The following TOP2A variants were observed in gnomAD, a reference collection of about 807,000 sequenced individuals.
TOP2A encodes the protein DNA topoisomerase 2-alpha.
In TOP2A, 68 loss-of-function variants were observed where a neutral mutation model predicts 187.2. The observed-to-expected ratio is 0.36, with a 90% CI of 0.30 to 0.44. The LOEUF is 0.44. Among genes scored for constraint, TOP2A ranks in the 20% least tolerant of loss-of-function variants. TOP2A has a pLI of 1.00. For synonymous variants in TOP2A, 542 were observed against 593.2 expected, an observed-to-expected ratio of 0.91 and a Z score of 1.25; for missense variants, 1,196 against 1,808.7, an observed-to-expected ratio of 0.66 and a Z score of 6.14.
chr17:40,401,087 G>C lies in TOP2A; in HGVS notation c.2433-6C>G. The C allele has an allele frequency of 6.2e-7, 1 of 1,606,320 alleles. No individual in the cohort carries two copies. On this transcript the variant is annotated splice_polypyrimidine_tract_variant and splice_region_variant and intron_variant, in intron 20 of 34. Transcript: ENST00000423485. The stretch of plus-strand genomic sequence containing the variant: ...ATAACAATCGAGCCAAAGAGCTAAA[G>C]AAAAGAAACAAAGAATGTTATTTTA...
At chr17:40,400,433 G>A (rs1162277639) in intron 22 of TOP2A, 24 bp from the exon 23 acceptor site, 2 of 1,609,508 alleles carry the variant, frequency 1.2e-6, no homozygotes, top group Admixed American at 1.7e-5. Flanking sequence ...TAATCCTGAA[G>A]TTTCTAAAAT....
chr17:40,390,132 T>C lies in TOP2A; in HGVS notation c.4300A>G (p.Lys1434Glu). ...QSSTSTTGAK[K>E]RAAPKGTKRD... ...TTAGTTCCTTTTGGGGCAGCCCTTT[T>C]TTTGGCACCGGTAGTGGAGGTGGAA... The change falls in exon 34 of 35, where the codon AAA (lysine) becomes GAA (glutamate). Residue 1434 changes from lysine to glutamate, a missense_variant. Around this residue, in one of 10 missense-constraint regions of TOP2A, gnomAD observed 374 missense variants for 403.3 expected, o/e 0.93. Coordinates refer to ENST00000423485, the MANE Select transcript of TOP2A (RefSeq NM_001067.4). The C allele has an allele frequency of 6.2e-7, 1 of 1,613,430 alleles. No homozygotes were observed. Among genetic ancestry groups the C allele is most frequent in the Non-Finnish European group, 8.5e-7 (1 of 1,179,700 alleles).
At position 40,390,057 on chromosome 17, in the gene TOP2A, T is replaced by C. The variant is rs556664581; in HGVS notation, c.4375A>G (p.Lys1459Glu). ...TTCCTTTTGCGGCGATTCTTGGTTTTGGCAGGATCAGGCTTTTGAGAGACA... is the reference window on the plus strand; with the variant it reads ...TTCCTTTTGCGGCGATTCTTGGTTTCGGCAGGATCAGGCTTTTGAGAGACA... ...SGVSQKPDPA[K>E]TKNRRKRKPS... is the part of the protein sequence containing the mutation. The change falls in exon 34 of 35, where the codon AAA becomes GAA. Residue 1459 changes from lysine (K) to glutamate (E), a missense_variant. Transcript: ENST00000423485. 20 of 1,613,950 alleles carry C rather than the reference T, an allele frequency of 1.2e-5. No individual in the cohort carries two copies. In the East Asian group the frequency reaches 4.2e-4, roughly 34 times the overall value.
chr17:40,405,612 G>A (rs1166471463), intron 16 of TOP2A, among the ~76,000 whole-genome samples: 2 of 151,866 alleles, frequency 1.3e-5, no homozygotes, highest in African/African-American at 2.4e-5. Flanking sequence ...GTGTCACCAA[G>A]CCCGGCTAAT....
intron 4 of TOP2A, among the ~76,000 whole-genome samples, chr17:40,413,980 T>C (rs2035357722): frequency 6.6e-6 from 1 of 152,152 alleles, no homozygotes; most frequent in East Asian, 1.9e-4. Context: ...GCACTTTTCA[T>C]ATATACCTTC....
chr17:40,409,194 CAAAAAAAAAAAA>C (rs35266834), intron 10 of TOP2A: 1 of 73,152 alleles, frequency 1.4e-5, no homozygotes, highest in Admixed American at 3.5e-4. Context: ...AACTCCGTCT[CAAAAAAAAAAAA>C]AAAAAAAAAA....
chr17:40,413,556 C>G lies in TOP2A; in HGVS notation c.402G>C (p.Lys134Asn). The G allele has an allele frequency of 1.3e-6, 2 of 1,528,148 alleles. No individual in the cohort carries two copies. Among genetic ancestry groups the G allele is most frequent in the South Asian group, 1.2e-5 (1 of 81,462 alleles). The allele number at this position is 1,528,148 out of a possible 1,614,324, so 94.7% of individuals were successfully genotyped here. ...GIPVVEHKVEKMYVPALIFGQ... is the reference protein window; with the variant it reads ...GIPVVEHKVENMYVPALIFGQ... ...CAAATATGAGAGCTGGGACATACAT[C>G]TTTTCAACTTTGTGTTCAACAACAG... Residue 134 changes from lysine (K) to asparagine (N), a missense_variant, in exon 5 of 35, where the codon AAG becomes AAC. By Grantham distance (94) the Lys-to-Asn change is moderately conservative. This residue lies in a region of TOP2A where 97 missense variants were observed against 171.0 expected (regional missense o/e 0.57). Coordinates refer to ENST00000423485, the MANE Select transcript of TOP2A (RefSeq NM_001067.4).
At chr17:40,395,020 C>T (rs539637638) in intron 29 of TOP2A, among the ~76,000 whole-genome samples, 4 of 152,316 alleles carry the variant, frequency 2.6e-5, no homozygotes, top group Non-Finnish European at 4.4e-5. Context: ...GGCAGTGGCT[C>T]ACGCCTGTAA....
Position 40,403,072 on chromosome 17 carries a change from T to G in TOP2A, c.2284-18A>C, listed in dbSNP as rs1316759329. 6.3e-7 allele frequency: 1 copy of G among 1,579,792 alleles called. No individual in the cohort carries two copies. Among genetic ancestry groups the G allele is most frequent in the East Asian group, 2.3e-5 (1 of 43,962 alleles). The stretch of plus-strand genomic sequence containing the variant: ...AGTGACATCTGTGGGGAAAAAAAGA[T>G]TCATTAAGCTGAGGCTTTTACTAAT... On this transcript the variant is annotated intron_variant, in intron 19 of 34. Coordinates refer to ENST00000423485, the MANE Select transcript of TOP2A (RefSeq NM_001067.4).
Position 40,391,531 on chromosome 17 carries a change from C to G in TOP2A, c.4242G>C (p.Val1414=). The G allele has an allele frequency of 6.2e-7, 1 of 1,612,474 alleles. No homozygotes were observed. The highest frequency in any genetic ancestry group is 1.3e-5 in the African/African-American group (1 of 75,016). ...EITNPVPKKN[V]TVKKTAAKSQ... is the part of the protein sequence containing the mutation. ...TTTTTGCTGCTGTCTTCTTCACTGT[C>G]ACATTCTTTTTAGGAACTGGGTTTG... Residue 1414 remains valine (V), a synonymous_variant, in exon 33 of 35, where the codon GTG becomes GTC. Transcript: ENST00000423485.
At chr17:40,407,466 T>C in intron 13 of TOP2A, 83 bp downstream of exon 13, 6 of 1,192,382 alleles carry the variant, frequency 5.0e-6, no homozygotes, top group Non-Finnish European at 6.9e-6. Context: ...AACTAATTTA[T>C]TTTCATGGCA....
chr17:40,406,872 C>G lies in TOP2A; in HGVS notation c.1697G>C (p.Arg566Pro), dbSNP rs773306190. The G allele has an allele frequency of 6.2e-7, 1 of 1,607,872 alleles. No individual in the cohort carries two copies. The highest frequency in any genetic ancestry group is 8.5e-7 in the Non-Finnish European group (1 of 1,176,670). ...FIHHNWPSLL[R>P]HRFLEEFITP... is the part of the protein sequence containing the mutation. ...GATAAATTCCTCCAGAAAACGATGT[C>G]GCAGAAGAGAGGGCCAGTTGTGATG... The change falls in exon 14 of 35, where the codon CGA becomes CCA. Residue 566 changes from arginine to proline, a missense_variant. Transcript: ENST00000423485.
chr17:40,396,791 C>G (rs1482192777), intron 27 of TOP2A, among the ~76,000 whole-genome samples: 1 of 151,936 alleles, frequency 6.6e-6, no homozygotes, highest in Non-Finnish European at 1.5e-5. Flanking sequence ...AAGTGATGCA[C>G]ACTTATCCAA....
Position 40,392,220 on chromosome 17 carries a change from TG to T in TOP2A, c.4085del (p.Pro1362GlnfsTer8). ...DASPPKTKTSPKLSNKELKPQ... is the reference protein window; with the variant it reads ...DASPPKTKTSXKLSNKELKPQ... ...CCCATATTAGATAAGATACTTGCTT[TG>T]GGGAAGTTTTGGTCTTAGGTGGACT... On this transcript the variant is annotated frameshift_variant, in exon 31 of 35. Transcript: ENST00000423485. LOFTEE classifies it high-confidence loss of function. 1 of 1,613,202 alleles carries T rather than the reference TG, an allele frequency of 6.2e-7. No individual in the cohort carries two copies.
At chr17:40,407,438 T>A in intron 13 of TOP2A, 111 bp downstream of exon 13, 1 of 832,782 alleles carries the variant, frequency 1.2e-6, no homozygotes, top group Non-Finnish European at 1.8e-6. Context: ...TTAGAGATGA[T>A]GAATAAAGCT....
At chr17:40,395,752 T>C (rs977798511) in intron 28 of TOP2A, among the ~76,000 whole-genome samples, 5 of 151,770 alleles carry the variant, frequency 3.3e-5, no homozygotes, top group Non-Finnish European at 1.5e-5. Context: ...AAAAATTAGC[T>C]GGGTGTGGTG....
chr17:40,399,550 CTT>C (rs2035150163), intron 24 of TOP2A, among the ~76,000 whole-genome samples: 1 of 150,898 alleles, frequency 6.6e-6, no homozygotes, highest in Middle Eastern at 3.4e-3. Flanking sequence ...TTCTCTGTCT[CTT>C]TTATTTTCTG....
intron 1 of TOP2A, 159 bp downstream of exon 1, chr17:40,417,612 G>A: frequency 1.3e-6 from 2 of 1,487,360 alleles, no homozygotes; most frequent in Non-Finnish European, 1.8e-6. Flanking sequence ...AGGGGCTTCC[G>A]CCTCTCCACG....
rs1002466256 is a variant in TOP2A, at chr17:40,389,491, T to C, written c.*28A>G. On this transcript the variant is annotated 3_prime_UTR_variant, in exon 35 of 35. Coordinates refer to ENST00000423485, the MANE Select transcript of TOP2A (RefSeq NM_001067.4). ...AAAACCAGTCTTGGGCTTGGTAAGA[T>C]AATTACTTAAAATAATCGCCTCACA... 1 of 1,566,754 alleles carries C rather than the reference T, an allele frequency of 6.4e-7. No individual in the cohort carries two copies. The highest frequency in any genetic ancestry group is 8.7e-7 in the Non-Finnish European group (1 of 1,154,472).
Sources: allele counts gnomAD v4.1 joint callset (sites outside exome capture counted in the v4.1 genomes callset), GRCh38; gene constraint gnomAD v4.1.1; regional missense constraint gnomAD v4.1.1; transcripts MANE v1.5; gene names NCBI Gene and HGNC (gene_info 2026-07-23, HGNC 2026-07-21).